Variants in RUNX1T1 observed in about 807,000 individuals in gnomAD.
The protein encoded by RUNX1T1 is RUNX1 partner transcriptional co-repressor 1.
Under a neutral mutation model 62.8 loss-of-function variants are expected in RUNX1T1, and 4 were observed. That is an observed-to-expected ratio of 0.06 (90% CI 0.03 to 0.15). RUNX1T1 has a LOEUF of 0.15. Among genes scored for constraint, RUNX1T1 ranks in the 10% least tolerant of loss-of-function variants. The pLI is 1.00. For synonymous variants in RUNX1T1, 291 were observed against 286.0 expected, an observed-to-expected ratio of 1.02 and a Z score of -0.18; for missense variants, 508 against 754.3, an observed-to-expected ratio of 0.67 and a Z score of 3.82.
intron 1 of RUNX1T1, among the ~76,000 whole-genome samples, chr8:92,083,523 G>A (rs1835611389): frequency 6.6e-6 from 1 of 152,198 alleles, no homozygotes; most frequent in Non-Finnish European, 1.5e-5. Context: ...GGGCATTAAA[G>A]AAATGCAAAT....
intron 9 of RUNX1T1, among the ~76,000 whole-genome samples, chr8:91,975,498 T>C (rs1033793708): frequency 4.6e-5 from 7 of 151,988 alleles, no homozygotes; most frequent in African/African-American, 1.7e-4. Flanking sequence ...TTTTTTTTTT[T>C]TGGATGCAGG....
rs184334152 is a variant in RUNX1T1, at chr8:92,097,619, T to A, written c.-86+1961A>T. 3.8e-3 allele frequency among the ~76,000 whole-genome samples: 572 copies of A among 152,200 alleles called. 3 individuals carry two copies. In the Middle Eastern group the frequency reaches 0.044, roughly 12 times the overall value. On this transcript the variant is annotated intron_variant, in intron 1 of 11. Transcript: ENST00000265814. ...GCTCTTTTAAGAAATGCTATTTTTT[T>A]AAAAAAAATTGCATTACTATTGCTT... is the stretch of plus-strand genomic sequence containing the variant.
chr8:92,023,935 C>T (rs1185062618), intron 1 of RUNX1T1, among the ~76,000 whole-genome samples: 1 of 152,112 alleles, frequency 6.6e-6, no homozygotes, highest in Non-Finnish European at 1.5e-5. Flanking sequence ...TAGAAAACTG[C>T]ACCATCTACT....
chr8:92,013,586 T>C (rs1822405835), intron 3 of RUNX1T1, among the ~76,000 whole-genome samples: 1 of 152,170 alleles, frequency 6.6e-6, no homozygotes, highest in South Asian at 2.1e-4. Context: ...GAACTGCATA[T>C]ACGATTCATA....
chr8:91,958,132 G>A (rs996843195), downstream of RUNX1T1: 4 of 162,302 alleles, frequency 2.5e-5, no homozygotes, highest in African/African-American at 1.3e-4. Context: ...GATTGTTTTT[G>A]ATTTTAAAGA....
intron 9 of RUNX1T1, among the ~76,000 whole-genome samples, chr8:91,975,578 G>T (rs1205416356): frequency 2.0e-5 from 3 of 150,226 alleles, no homozygotes; most frequent in African/African-American, 4.9e-5. Flanking sequence ...AAAAATGCAT[G>T]CAAGCTAAGA....
chr8:92,057,926 C>G (rs987931761), intron 1 of RUNX1T1, among the ~76,000 whole-genome samples: 1 of 152,114 alleles, frequency 6.6e-6, no homozygotes, highest in African/African-American at 2.4e-5. Context: ...AATGAATGCC[C>G]TATCCTTAGT....
chr8:92,060,545 ATATATAT>A (rs1327717766), intron 1 of RUNX1T1, among the ~76,000 whole-genome samples: 1 of 103,746 alleles, frequency 9.6e-6, no homozygotes, highest in Non-Finnish European at 2.2e-5. Flanking sequence ...ATATATATAT[ATATATAT>A]ATGTGTGTGT....
At chr8:92,063,856 T>C (rs1832454694), upstream of RUNX1T1, among the ~76,000 whole-genome samples, 1 of 152,164 alleles carries the variant, frequency 6.6e-6, no homozygotes, top group Non-Finnish European at 1.5e-5. Flanking sequence ...CTTTCCATCG[T>C]ATGCACAATC....
chr8:91,973,789 G>A (rs1040734582), intron 9 of RUNX1T1, among the ~76,000 whole-genome samples: 7 of 151,984 alleles, frequency 4.6e-5, no homozygotes, highest in African/African-American at 1.7e-4. Context: ...AATATTATAA[G>A]TAGTTACTGG....
intron 1 of RUNX1T1, among the ~76,000 whole-genome samples, chr8:92,078,829 T>C (rs1834814294): frequency 6.6e-6 from 1 of 152,364 alleles, no homozygotes; most frequent in East Asian, 1.9e-4. Flanking sequence ...TACAGAATAC[T>C]TTTTTGATCA....
chr8:92,043,961 A>G (rs1472360054), intron 1 of RUNX1T1, among the ~76,000 whole-genome samples: 2 of 150,408 alleles, frequency 1.3e-5, no homozygotes, highest in East Asian at 2.0e-4. Context: ...CTGGGCAACA[A>G]GAGTGAAACT....
intron 1 of RUNX1T1, among the ~76,000 whole-genome samples, chr8:92,083,779 A>G (rs1164000668): frequency 6.6e-6 from 1 of 152,224 alleles, no homozygotes; most frequent in Non-Finnish European, 1.5e-5. Flanking sequence ...AAGTCATTCT[A>G]CTATAAAGAC....
chr8:92,019,039 G>A (rs138770484), intron 1 of RUNX1T1: 30 of 152,230 alleles, frequency 2.0e-4, no homozygotes, highest in African/African-American at 6.7e-4. Context: ...GCTACAACCA[G>A]TAAGTCACTT....
At chr8:92,051,013 T>C (rs929305495) in intron 1 of RUNX1T1, among the ~76,000 whole-genome samples, 1 of 152,236 alleles carries the variant, frequency 6.6e-6, no homozygotes, top group African/African-American at 2.4e-5. Flanking sequence ...GGTGTCTTCC[T>C]TGACAATCTA....
At chr8:92,045,585 A>G (rs936883557) in intron 1 of RUNX1T1, among the ~76,000 whole-genome samples, 2 of 152,224 alleles carry the variant, frequency 1.3e-5, no homozygotes, top group African/African-American at 2.4e-5. Context: ...CACTCATTCA[A>G]TGAATTTCAA....
chr8:92,040,055 G>A (rs1275842993), intron 1 of RUNX1T1, among the ~76,000 whole-genome samples: 2 of 152,126 alleles, frequency 1.3e-5, no homozygotes, highest in South Asian at 2.1e-4. Flanking sequence ...CTACTTATAA[G>A]ACTTGACATT....
chr8:92,034,793 TATATACAC>T lies in RUNX1T1; in HGVS notation c.8-17438_8-17431del, dbSNP rs1188966823. 1.2e-3 allele frequency among the ~76,000 whole-genome samples: 89 copies of T among 73,954 alleles called. 1 individual carries two copies. The highest frequency in any genetic ancestry group is 0.014 in the Middle Eastern group (2 of 144). 48.5% of individuals were successfully genotyped at this position (73,954 alleles called of 152,430 possible). A position where few individuals can be genotyped will look rare whatever the true frequency, so the allele number is the denominator to read the frequency against. Reference sequence around the variant, plus strand: ...ATATATATACACATATATATATACATATATACACACACACACACACACACACACACACA... The same window carrying T: ...ATATATATACACATATATATATACATACACACACACACACACACACACACA... On this transcript the variant is annotated intron_variant, in intron 1 of 10. Coordinates refer to ENST00000396218, the Ensembl canonical transcript of RUNX1T1.
chr8:92,071,491 C>T (rs1833661069), intron 2 of RUNX1T1: 2 of 147,392 alleles, frequency 1.4e-5, no homozygotes, highest in African/African-American at 5.1e-5. Context: ...GAGCCAAATT[C>T]TTAGATCTTT....
Sources: gnomAD v4.1 joint callset for allele counts (sites outside exome capture counted in the v4.1 genomes callset) on GRCh38, gnomAD v4.1.1 for gene constraint, MANE v1.5 for transcripts, NCBI Gene and HGNC (gene_info 2026-07-23, HGNC 2026-07-21) for gene names.